Variants in JMJD1C observed in about 807,000 individuals in gnomAD.
JMJD1C encodes the protein jumonji domain-containing protein 1C.
JMJD1C carries 31 observed loss-of-function variants against 245.3 expected under a neutral mutation model. The ratio of observed to expected loss-of-function variants is 0.13; its 90% CI spans 0.09 to 0.17. The LOEUF (loss-of-function observed/expected upper bound fraction) is 0.17. Among genes scored for constraint, JMJD1C ranks in the 10% least tolerant of loss-of-function variants. The pLI is 1.00. For missense variants in JMJD1C, 2,691 were observed against 3,000.2 expected, an observed-to-expected ratio of 0.90 and a Z score of 2.41; for synonymous variants, 1,057 against 1,017.4, an observed-to-expected ratio of 1.04 and a Z score of -0.74.
intron 2 of JMJD1C, among the ~76,000 whole-genome samples, chr10:63,296,419 C>G (rs1859440156): frequency 6.6e-6 from 1 of 152,150 alleles, no homozygotes; most frequent in Admixed American, 6.6e-5. Context: ...ATCATCACAG[C>G]CTTCTTGCCC....
At chr10:63,234,783 A>G (rs1363051617) in intron 3 of JMJD1C, among the ~76,000 whole-genome samples, 3 of 150,344 alleles carry the variant, frequency 2.0e-5, no homozygotes, top group African/African-American at 7.3e-5. Flanking sequence ...AAATAATAAT[A>G]ATAAAATAAA....
chr10:63,290,207 G>A (rs544261251), intron 2 of JMJD1C, among the ~76,000 whole-genome samples: 14 of 152,096 alleles, frequency 9.2e-5, no homozygotes, highest in Non-Finnish European at 2.1e-4. Context: ...AGGTCTAAAA[G>A]GCATATATTA....
intron 13 of JMJD1C, among the ~76,000 whole-genome samples, chr10:63,195,303 G>A (rs140967977): frequency 4.3e-4 from 64 of 148,456 alleles, no homozygotes; most frequent in Middle Eastern, 3.6e-3. Flanking sequence ...GCAGCAAGCC[G>A]AGATCGCGCC....
Position 63,167,941 on chromosome 10 carries a change from G to A in JMJD1C, c.*104C>T. 1.4e-6 allele frequency: 1 copy of A among 711,582 alleles called. No homozygotes were observed. The highest frequency in any genetic ancestry group is 2.5e-6 in the Non-Finnish European group (1 of 398,498). 44.1% of individuals were successfully genotyped at this position (711,582 alleles called of 1,614,324 possible). The stretch of plus-strand genomic sequence containing the variant: ...TAATTACTACAAAGAGAATTTCTTG[G>A]CACTGATGGTTTTATGAAGCTTAAA... On this transcript the variant is annotated 3_prime_UTR_variant, in exon 26 of 26. Coordinates refer to ENST00000399262, the MANE Select transcript of JMJD1C (RefSeq NM_032776.3).
intron 2 of JMJD1C, among the ~76,000 whole-genome samples, chr10:63,288,889 CAAT>C (rs61651313): frequency 0.29 from 41,029 of 139,318 alleles, 5,908 homozygotes; most frequent in Non-Finnish European, 0.33. Context: ...AATAATAATA[CAAT>C]AATAATAATA....
chr10:63,359,973 T>C (rs964805193), intron 2 of JMJD1C, among the ~76,000 whole-genome samples: 1 of 152,128 alleles, frequency 6.6e-6, no homozygotes, highest in Non-Finnish European at 1.5e-5. Context: ...GACCTTATCT[T>C]TTCTAAAGAT....
Position 63,213,534 on chromosome 10 carries a change from A to C in JMJD1C, c.2633T>G (p.Leu878Trp). 1 of 1,610,334 alleles carries C rather than the reference A, an allele frequency of 6.2e-7. No individual in the cohort carries two copies. The highest frequency in any genetic ancestry group is 8.5e-7 in the Non-Finnish European group (1 of 1,176,696). Residue 878 changes from leucine to tryptophan, a missense_variant, in exon 8 of 26, where the codon TTG (leucine) becomes TGG (tryptophan). Physicochemically the swap from Leu to Trp is moderately conservative, Grantham distance 61. This residue lies in a region of JMJD1C where 1,562 missense variants were observed against 1,490.7 expected (regional missense o/e 1.05). Coordinates refer to ENST00000399262, the MANE Select transcript of JMJD1C (RefSeq NM_032776.3). ...NGTHAYSGLG[L>W]PSSKWVHPEN... ...TGGGTGAACCCACTTAGAAGAAGGC[A>C]AACCAAGTCCTGAGTATGCATGTGT...
chr10:63,316,407 T>G (rs1940068178), intron 2 of JMJD1C, among the ~76,000 whole-genome samples: 1 of 152,190 alleles, frequency 6.6e-6, no homozygotes, highest in South Asian at 2.1e-4. Context: ...TTGGTTTGTT[T>G]TGTGTGTACT....
At chr10:63,264,397 C>CT (rs1370621888) in intron 3 of JMJD1C, among the ~76,000 whole-genome samples, 1 of 152,014 alleles carries the variant, frequency 6.6e-6, no homozygotes, top group African/African-American at 2.4e-5. Context: ...ATGTCAGATA[C>CT]TTTATTTTGT....
At chr10:63,196,369 C>G (rs186350908) in intron 13 of JMJD1C, among the ~76,000 whole-genome samples, 53 of 152,224 alleles carry the variant, frequency 3.5e-4, no homozygotes, top group African/African-American at 1.2e-3. Flanking sequence ...TAGCTTACAT[C>G]AAATTTTATA....
chr10:63,208,755 A>G lies in JMJD1C; in HGVS notation c.2914T>C (p.Ser972Pro). Residue 972 changes from serine to proline, a missense_variant, in exon 10 of 26, where the codon TCC becomes CCC. This residue lies in a region of JMJD1C where 1,562 missense variants were observed against 1,490.7 expected (regional missense o/e 1.05). Transcript: ENST00000399262. ...AFMEPLRSVA[S>P]TSAKNDLDLN... ...TCCAGGTCATTTTTGGCTGATGTGG[A>G]TGCAACAGACCGTAATGGTTCCATA... is the stretch of plus-strand genomic sequence containing the variant. The G allele has an allele frequency of 3.1e-6, 5 of 1,613,066 alleles. No individual in the cohort carries two copies. The highest frequency in any genetic ancestry group is 4.2e-6 in the Non-Finnish European group (5 of 1,179,686).
At chr10:63,300,663 G>A (rs1589422279) in intron 2 of JMJD1C, among the ~76,000 whole-genome samples, 1 of 151,310 alleles carries the variant, frequency 6.6e-6, no homozygotes, top group African/African-American at 2.4e-5. Context: ...AGGCCAAGGC[G>A]GTAGATCTCA....
intron 1 of JMJD1C, among the ~76,000 whole-genome samples, chr10:63,497,941 CAAAG>C (rs1440259932): frequency 1.3e-5 from 2 of 152,044 alleles, no homozygotes; most frequent in Non-Finnish European, 2.9e-5. Context: ...CTTCAGAAAA[CAAAG>C]AAAAGATAAT....
At chr10:63,233,331 T>G (rs1483336111) in intron 3 of JMJD1C, among the ~76,000 whole-genome samples, 3 of 152,128 alleles carry the variant, frequency 2.0e-5, no homozygotes, top group Non-Finnish European at 4.4e-5. Context: ...TCCCTAAGGA[T>G]AAAAGAGTAT....
chr10:63,510,830 T>C (rs1443164658), intron 1 of JMJD1C, among the ~76,000 whole-genome samples: 2 of 152,360 alleles, frequency 1.3e-5, no homozygotes, highest in South Asian at 2.1e-4. Context: ...TATTTCTCAT[T>C]GTAGTTCTAT....
intron 1 of JMJD1C, among the ~76,000 whole-genome samples, chr10:63,488,661 AAT>A (rs988242523): frequency 7.9e-5 from 12 of 152,176 alleles, no homozygotes; most frequent in African/African-American, 2.4e-4. Flanking sequence ...AGAAAATAAA[AAT>A]AGTGTTTTAT....
intron 2 of JMJD1C, among the ~76,000 whole-genome samples, chr10:63,273,523 T>C (rs943282512): frequency 1.5e-4 from 23 of 152,242 alleles, no homozygotes; most frequent in African/African-American, 4.1e-4. Context: ...CCTGTTCTTA[T>C]AACTCATTAG....
At position 63,219,904 on chromosome 10, in the gene JMJD1C, T is replaced by C. The variant is rs1848412657; in HGVS notation, c.527A>G (p.Gln176Arg). The C allele has an allele frequency of 1.2e-6, 2 of 1,613,688 alleles. No homozygotes were observed. The highest frequency in any genetic ancestry group is 1.7e-5 in the Admixed American group (1 of 60,014). Residue 176 changes from glutamine to arginine, a missense_variant, in exon 4 of 26, where the codon CAA (glutamine) becomes CGA (arginine). Physicochemically the swap from Gln to Arg is conservative, Grantham distance 43. Transcript: ENST00000399262. ...TTGCATAAAAATCTCCTGAACCTTT[T>C]GTTCCTTTACCCAGACTTTCACTTC... Reference protein sequence around the residue: ...HEEVKVWVKEQKVQEIFMQGP... With the variant: ...HEEVKVWVKERKVQEIFMQGP...
intron 10 of JMJD1C, chr10:63,203,165 T>C: frequency 1.2e-5 from 12 of 984,982 alleles, no homozygotes; most frequent in Non-Finnish European, 1.4e-5. Context: ...TTTTTGCTTC[T>C]AGACAAGGCC....
Sources: gnomAD v4.1 joint callset for allele counts (sites outside exome capture counted in the v4.1 genomes callset) on GRCh38, gnomAD v4.1.1 for gene constraint, gnomAD v4.1.1 regional missense constraint, MANE v1.5 for transcripts, NCBI Gene and HGNC (gene_info 2026-07-23, HGNC 2026-07-21) for gene names.